The following ARHGAP15 variants were observed in gnomAD, a reference collection of about 807,000 sequenced individuals.
The protein encoded by ARHGAP15 is rho GTPase-activating protein 15.
Under a neutral mutation model 63.7 loss-of-function variants are expected in ARHGAP15, and 51 were observed. The ratio of observed to expected loss-of-function variants is 0.80; its 90% CI spans 0.64 to 1.01. ARHGAP15 has a LOEUF of 1.01. Ranked by LOEUF, ARHGAP15 falls within the 50% of genes least tolerant of loss-of-function variation. The pLI, the probability that ARHGAP15 is intolerant of heterozygous loss-of-function variation, is 0.00. For missense variants in ARHGAP15, 560 were observed against 564.6 expected (o/e 0.99, Z 0.08); for synonymous variants, 191 against 193.8 (o/e 0.99, Z 0.12).
At chr2:143,139,449 T>C (rs1573997623) in intron 1 of ARHGAP15, among the ~76,000 whole-genome samples, 1 of 152,156 alleles carries the variant, frequency 6.6e-6, no homozygotes. Context: ...GGCTTTTATA[T>C]TGCTATTTCT....
intron 6 of ARHGAP15, among the ~76,000 whole-genome samples, chr2:143,260,885 G>A (rs1220950204): frequency 6.6e-6 from 1 of 152,032 alleles, no homozygotes; most frequent in African/African-American, 2.4e-5. Context: ...CATTTAGGAA[G>A]GATATGAACA....
At position 143,768,229 on chromosome 2, in the gene ARHGAP15, C is replaced by A; in HGVS notation, c.*57C>A. 6.7e-7 allele frequency: 1 copy of A among 1,483,206 alleles called. No individual in the cohort carries two copies. The allele number at this position is 1,483,206 out of a possible 1,614,324, so 91.9% of individuals were successfully genotyped here. On this transcript the variant is annotated 3_prime_UTR_variant, in exon 14 of 14. Transcript: ENST00000295095. ...TCTGTCTTGATGCCTAATATTTTTA[C>A]ATTTCTGTAAACATATTTCTGAAAT...
intron 6 of ARHGAP15, among the ~76,000 whole-genome samples, chr2:143,300,850 A>T (rs753962172): frequency 6.6e-6 from 1 of 152,048 alleles, no homozygotes; most frequent in Non-Finnish European, 1.5e-5. Context: ...GGTGTGTTAC[A>T]TATTAAATTA....
chr2:143,576,153 G>A (rs1696674240), intron 11 of ARHGAP15, among the ~76,000 whole-genome samples: 1 of 152,046 alleles, frequency 6.6e-6, no homozygotes, highest in South Asian at 2.1e-4. Context: ...AATACTCATG[G>A]ACTAACCTGA....
chr2:143,644,597 C>T (rs1680777531), intron 12 of ARHGAP15, among the ~76,000 whole-genome samples: 1 of 151,980 alleles, frequency 6.6e-6, no homozygotes, highest in African/African-American at 2.4e-5. Flanking sequence ...GTCAGTGTAC[C>T]TTTGTAAGGA....
At chr2:143,131,046 A>T (rs1047049847) in intron 1 of ARHGAP15, among the ~76,000 whole-genome samples, 1 of 152,188 alleles carries the variant, frequency 6.6e-6, no homozygotes, top group Non-Finnish European at 1.5e-5. Context: ...GTCCATGAAA[A>T]TTTTTTAAAT....
chr2:143,365,956 T>G (rs1167665988), intron 6 of ARHGAP15, among the ~76,000 whole-genome samples: 1 of 152,146 alleles, frequency 6.6e-6, no homozygotes, highest in African/African-American at 2.4e-5. Flanking sequence ...CATTTCCAGC[T>G]GTCTAATTTT....
chr2:143,183,054 A>G (rs376235943), intron 2 of ARHGAP15, among the ~76,000 whole-genome samples: 2 of 152,250 alleles, frequency 1.3e-5, no homozygotes, highest in East Asian at 1.9e-4. Context: ...AAGAATGCTT[A>G]CATTAGACCT....
In ARHGAP15 at chr2:143,421,766, GTATATATATATATATATATA is replaced by G. The variant is rs59677710; in HGVS notation, c.475-13819_475-13800del. Among the ~76,000 whole-genome samples, 271 of 109,040 alleles carry G rather than the reference GTATATATATATATATATATA, an allele frequency of 2.5e-3. 2 individuals carry two copies. The East Asian group carries it at 0.029, about 12-fold the overall frequency. 71.5% of individuals were successfully genotyped at this position (109,040 alleles called of 152,430 possible). A position where few individuals can be genotyped will look rare whatever the true frequency, so the allele number is the denominator to read the frequency against. ...ATATAAATGAACATATGCACATGGT[GTATATATATATATATATATA>G]TATATATATATATATGTGTGTGTTT... is the stretch of plus-strand genomic sequence containing the variant. On this transcript the variant is annotated intron_variant, in intron 6 of 13. Coordinates refer to ENST00000295095, the MANE Select transcript of ARHGAP15 (RefSeq NM_018460.4).
intron 8 of ARHGAP15, chr2:143,472,027 TAATC>T (rs1205878426): frequency 1.3e-5 from 2 of 152,196 alleles, no homozygotes; most frequent in African/African-American, 4.8e-5. Context: ...CATCTGCAAT[TAATC>T]AAGTGTTGTG....
At chr2:143,344,648 G>T (rs1031195784) in intron 6 of ARHGAP15, among the ~76,000 whole-genome samples, 1 of 152,036 alleles carries the variant, frequency 6.6e-6, no homozygotes, top group Non-Finnish European at 1.5e-5. Context: ...TGACCATTCC[G>T]TGGAAAAGTT....
intron 3 of ARHGAP15, among the ~76,000 whole-genome samples, chr2:143,208,664 A>C (rs1044662627): frequency 6.6e-6 from 1 of 152,302 alleles, no homozygotes; most frequent in South Asian, 2.1e-4. Flanking sequence ...AGTTTTGTAC[A>C]TGAATCATCA....
At chr2:143,151,216 G>A (rs1574014103) in intron 1 of ARHGAP15, among the ~76,000 whole-genome samples, 2 of 152,062 alleles carry the variant, frequency 1.3e-5, no homozygotes, top group East Asian at 1.9e-4. Flanking sequence ...CTTTTGAGTC[G>A]ATGTTGAGCA....
intron 11 of ARHGAP15, among the ~76,000 whole-genome samples, chr2:143,557,302 T>A (rs1695845717): frequency 6.6e-6 from 1 of 152,142 alleles, no homozygotes; most frequent in South Asian, 2.1e-4. Context: ...TGGAATATTA[T>A]TCAGGGATGA....
chr2:143,536,983 C>T (rs1348420539), intron 10 of ARHGAP15, among the ~76,000 whole-genome samples: 1 of 152,098 alleles, frequency 6.6e-6, no homozygotes, highest in African/African-American at 2.4e-5. Flanking sequence ...AGTTTACAGT[C>T]CCACCAACAG....
At chr2:143,510,429 A>G (rs1283705265) in intron 9 of ARHGAP15, among the ~76,000 whole-genome samples, 1 of 152,158 alleles carries the variant, frequency 6.6e-6, no homozygotes, top group Non-Finnish European at 1.5e-5. Context: ...TATTATGACA[A>G]TGCTGATGCT....
chr2:143,510,042 A>AAAAAAAAAAAAAAAAAAAAG, intron 9 of ARHGAP15, among the ~76,000 whole-genome samples: 1 of 150,596 alleles, frequency 6.6e-6, no homozygotes, highest in African/African-American at 2.4e-5. Flanking sequence ...AAAAAAAAAA[A>AAAAAAAAAAAAAAAAAAAAG]AAAAATAGAA....
intron 12 of ARHGAP15, among the ~76,000 whole-genome samples, chr2:143,687,934 T>C (rs1417397773): frequency 6.6e-6 from 1 of 152,180 alleles, no homozygotes; most frequent in African/African-American, 2.4e-5. Context: ...TCTAAACAAT[T>C]GTACAAAATT....
At position 143,362,510 on chromosome 2, in the gene ARHGAP15, A is replaced by G. The variant is rs138368182; in HGVS notation, c.475-73091A>G. On this transcript the variant is annotated intron_variant, in intron 6 of 13. Coordinates refer to ENST00000295095, the MANE Select transcript of ARHGAP15 (RefSeq NM_018460.4). ...CCCCTTTATTTCCTTAATATCTGCA[A>G]TAGTCTAGATGATTTTATTCGGGAT... Among the ~76,000 whole-genome samples the G allele has an allele frequency of 2.4e-4, 37 of 152,242 alleles. No homozygotes were observed. The East Asian group carries it at 7.1e-3, about 29-fold the overall frequency.
Sources: allele counts gnomAD v4.1 joint callset (sites outside exome capture counted in the v4.1 genomes callset), GRCh38; gene constraint gnomAD v4.1.1; transcripts MANE v1.5; gene names NCBI Gene and HGNC (gene_info 2026-07-23, HGNC 2026-07-21).